FOCAD: variants seen among roughly 807,000 people sequenced by gnomAD.
FOCAD encodes the protein focadhesin.
A neutral mutation model predicts 225.6 loss-of-function variants in FOCAD; 198 were observed. The observed-to-expected ratio is 0.88, with a 90% CI of 0.78 to 0.99. FOCAD has a LOEUF of 0.99. Ranked by LOEUF, FOCAD falls within the 50% of genes least tolerant of loss-of-function variation. FOCAD has a pLI of 0.00. For synonymous variants in FOCAD, 897 were observed against 755.0 expected (o/e 1.19, Z -3.08); for missense variants, 2,713 against 2,123.6 (o/e 1.28, Z -5.46).
At chr9:20,670,066 T>C (rs193149121) in intron 2 of FOCAD, among the ~76,000 whole-genome samples, 61 of 152,362 alleles carry the variant, frequency 4.0e-4, no homozygotes, top group Non-Finnish European at 8.1e-4. Context: ...TATGCATCTT[T>C]TTAACCCATG....
intron 37 of FOCAD, among the ~76,000 whole-genome samples, chr9:20,980,190 AT>A (rs944903238): frequency 2.0e-5 from 3 of 151,792 alleles, no homozygotes; most frequent in South Asian, 2.1e-4. Context: ...TACAATATGA[AT>A]TTTTTTATGT....
In FOCAD at chr9:20,865,852, T is replaced by G. The variant is rs1013696264; in HGVS notation, c.2056-74T>G. The G allele has an allele frequency of 4.2e-5, 43 of 1,031,074 alleles. No homozygotes were observed. In the Admixed American group the frequency reaches 1.0e-3, roughly 24 times the overall value. The allele number at this position is 1,031,074 out of a possible 1,614,324, so 63.9% of individuals were successfully genotyped here. On this transcript the variant is annotated intron_variant, in intron 16 of 43. Transcript: ENST00000338382. The stretch of plus-strand genomic sequence containing the variant: ...TAAAAGTGACTTAATTTTCATTATT[T>G]GCTACTTTGGATTATTTAGTCTCAG...
chr9:20,858,384 C>T (rs559345691), intron 15 of FOCAD, among the ~76,000 whole-genome samples: 2 of 152,042 alleles, frequency 1.3e-5, no homozygotes, highest in South Asian at 2.1e-4. Context: ...TCGATAGTTG[C>T]TCATAATCTT....
intron 2 of FOCAD, among the ~76,000 whole-genome samples, chr9:20,675,988 A>C (rs1427450539): frequency 6.6e-6 from 1 of 152,254 alleles, no homozygotes; most frequent in African/African-American, 2.4e-5. Flanking sequence ...ATATTTTCAA[A>C]GATGTTGGGA....
intron 35 of FOCAD, among the ~76,000 whole-genome samples, chr9:20,962,281 G>C (rs1443650786): frequency 6.6e-6 from 1 of 152,068 alleles, no homozygotes; most frequent in South Asian, 2.1e-4. Flanking sequence ...TCCACTAGGT[G>C]TGATTTCCTC....
intron 15 of FOCAD, among the ~76,000 whole-genome samples, chr9:20,857,641 G>T (rs1055518405): frequency 6.6e-6 from 1 of 151,814 alleles, no homozygotes; most frequent in Non-Finnish European, 1.5e-5. Flanking sequence ...AATGGTGAAT[G>T]TGGGTATTCT....
chr9:20,716,340 AT>A (rs1458069601), intron 2 of FOCAD, among the ~76,000 whole-genome samples: 35 of 151,554 alleles, frequency 2.3e-4, no homozygotes, highest in African/African-American at 6.5e-4. Flanking sequence ...GGTGAAAAAA[AT>A]ATATATATAT....
At chr9:20,783,859 A>T (rs1819647895) in intron 10 of FOCAD, among the ~76,000 whole-genome samples, 1 of 152,186 alleles carries the variant, frequency 6.6e-6, no homozygotes, top group African/African-American at 2.4e-5. Context: ...GTCAGATTCC[A>T]GTCAGGAAAG....
chr9:20,803,727 T>C (rs1406620871), intron 11 of FOCAD, among the ~76,000 whole-genome samples: 2 of 152,098 alleles, frequency 1.3e-5, no homozygotes, highest in Non-Finnish European at 2.9e-5. Flanking sequence ...TCTTGCAGAC[T>C]TGGGCTCCTT....
At chr9:20,972,025 A>T (rs367841299) in intron 35 of FOCAD, among the ~76,000 whole-genome samples, 1 of 152,008 alleles carries the variant, frequency 6.6e-6, no homozygotes, top group Admixed American at 6.6e-5. Flanking sequence ...GCTTTTACCA[A>T]TTGGCTGTTG....
At chr9:20,799,075 A>C (rs1488914641) in intron 11 of FOCAD, among the ~76,000 whole-genome samples, 1 of 152,176 alleles carries the variant, frequency 6.6e-6, no homozygotes, top group Non-Finnish European at 1.5e-5. Flanking sequence ...TTCAAAGAAT[A>C]TCTTTATTTC....
intron 24 of FOCAD, among the ~76,000 whole-genome samples, chr9:20,918,990 G>C (rs1422929206): frequency 6.6e-6 from 1 of 152,050 alleles, no homozygotes; most frequent in African/African-American, 2.4e-5. Context: ...GTTTGGGTCA[G>C]GGTATGGCTT....
chr9:20,744,297 G>T (rs573301329), intron 5 of FOCAD, among the ~76,000 whole-genome samples: 1 of 152,084 alleles, frequency 6.6e-6, no homozygotes. Context: ...TTTTAACACG[G>T]GATTTGAATG....
intron 7 of FOCAD, among the ~76,000 whole-genome samples, chr9:20,766,127 G>C (rs994594782): frequency 1.6e-4 from 24 of 152,198 alleles, no homozygotes; most frequent in Non-Finnish European, 2.2e-4. Flanking sequence ...GCATTACCCT[G>C]TTCTGTGCTC....
intron 28 of FOCAD, among the ~76,000 whole-genome samples, chr9:20,944,419 G>C (rs1836972443): frequency 6.6e-6 from 1 of 152,118 alleles, no homozygotes; most frequent in Admixed American, 6.5e-5. Flanking sequence ...ATGGGCCACA[G>C]ATACATGTTT....
intron 35 of FOCAD, among the ~76,000 whole-genome samples, chr9:20,970,509 A>G (rs1839672964): frequency 6.6e-6 from 1 of 152,098 alleles, no homozygotes; most frequent in African/African-American, 2.4e-5. Flanking sequence ...TTTTTAGAGT[A>G]CAGAACTCTA....
chr9:20,828,388 A>T (rs917260072), intron 15 of FOCAD, among the ~76,000 whole-genome samples: 4 of 152,042 alleles, frequency 2.6e-5, no homozygotes, highest in Non-Finnish European at 4.4e-5. Context: ...TAATGCTGCT[A>T]TGAACATTTG....
chr9:20,697,867 G>T (rs1823502851), intron 1 of FOCAD, among the ~76,000 whole-genome samples: 1 of 152,226 alleles, frequency 6.6e-6, no homozygotes, highest in Non-Finnish European at 1.5e-5. Flanking sequence ...GGTGCAGATG[G>T]ATTAATCTCC....
intron 10 of FOCAD, among the ~76,000 whole-genome samples, 194 bp from the exon 11 acceptor site, chr9:20,789,157 C>G (rs1298355041): frequency 5.9e-5 from 9 of 152,132 alleles, no homozygotes; most frequent in African/African-American, 1.9e-4. Context: ...GGAGTTCCAT[C>G]TAACAACTCT....
Sources: gnomAD v4.1 joint callset for allele counts (sites outside exome capture counted in the v4.1 genomes callset) on GRCh38, gnomAD v4.1.1 for gene constraint, MANE v1.5 for transcripts, NCBI Gene and HGNC (gene_info 2026-07-23, HGNC 2026-07-21) for gene names.